The following AGBL1 variants were observed in gnomAD, a reference collection of about 807,000 sequenced individuals.
AGBL1 encodes cytosolic carboxypeptidase 4.
AGBL1 carries 130 observed loss-of-function variants against 118.9 expected under a neutral mutation model. The observed-to-expected ratio is 1.09, with a 90% CI of 0.95 to 1.26. AGBL1 has a LOEUF of 1.26. AGBL1 is among the 50% of genes most tolerant of loss of function. The pLI, the probability that AGBL1 is intolerant of heterozygous loss-of-function variation, is 0.00. For synonymous variants in AGBL1, 555 were observed against 478.9 expected, an observed-to-expected ratio of 1.16 and a Z score of -2.08; for missense variants, 1,584 against 1,298.1, an observed-to-expected ratio of 1.22 and a Z score of -3.38.
chr15:86,319,743 GTTTTTTTTTTTTTTTTTTTTTTTTT>G (rs139831044), intron 17 of AGBL1, among the ~76,000 whole-genome samples: 1 of 47,230 alleles, frequency 2.1e-5, no homozygotes, highest in Non-Finnish European at 3.6e-5. Context: ...CTCTTTGGTA[GTTTTTTTTTTTTTTTTTTTTTTTTT>G]TTTTTTTTTT....
At chr15:86,126,896 G>A (rs1480487720) in intron 1 of AGBL1, among the ~76,000 whole-genome samples, 1 of 152,184 alleles carries the variant, frequency 6.6e-6, no homozygotes, top group African/African-American at 2.4e-5. Flanking sequence ...GAAACATTCT[G>A]CTTTGAAGAT....
At chr15:86,999,793 A>T (rs36155574) in intron 24 of AGBL1, among the ~76,000 whole-genome samples, 70,487 of 136,906 alleles carry the variant, frequency 0.51, 19,848 homozygotes, top group South Asian at 0.7. Flanking sequence ...ATCCCTGAGG[A>T]ATCGCCACAC....
chr15:86,236,952 C>CTT (rs1754267505), intron 6 of AGBL1, among the ~76,000 whole-genome samples: 1 of 10,316 alleles, frequency 9.7e-5, no homozygotes, highest in Non-Finnish European at 1.8e-4. Context: ...CGGGGGGGGG[C>CTT]GGGGGGGCGC....
chr15:86,989,727 A>T (rs2081320138), intron 24 of AGBL1, among the ~76,000 whole-genome samples: 1 of 152,212 alleles, frequency 6.6e-6, no homozygotes, highest in African/African-American at 2.4e-5. Flanking sequence ...ATGGAACAAG[A>T]TAGAGATTGG....
chr15:86,257,486 C>T lies in AGBL1; in HGVS notation c.901+468C>T, dbSNP rs184745697. Among the ~76,000 whole-genome samples, 257 of 152,244 alleles carry T rather than the reference C, an allele frequency of 1.7e-3. 1 individual carries two copies. The highest frequency in any genetic ancestry group is 6.8e-3 in the Middle Eastern group (2 of 294). On this transcript the variant is annotated intron_variant, in intron 8 of 22. Transcript: ENST00000614907. ...ATCTTCCTGTCAAAAGATCCTAGTA[C>T]GAACAGATTTTCTATAGGCATAATT... is the stretch of plus-strand genomic sequence containing the variant.
chr15:86,571,355 A>C (rs1011734488), intron 21 of AGBL1, among the ~76,000 whole-genome samples: 3 of 152,116 alleles, frequency 2.0e-5, no homozygotes, highest in Non-Finnish European at 4.4e-5. Context: ...TGCATCCAGG[A>C]AGAATGAGGT....
intron 22 of AGBL1, among the ~76,000 whole-genome samples, chr15:86,759,913 T>G (rs946082456): frequency 6.6e-6 from 1 of 152,050 alleles, no homozygotes; most frequent in Non-Finnish European, 1.5e-5. Context: ...TAGAGCAGAG[T>G]AAAGGCAGGC....
chr15:86,279,831 C>T (rs1302464352), intron 16 of AGBL1, 48 bp downstream of exon 16: 94 of 1,598,490 alleles, frequency 5.9e-5, no homozygotes, highest in Non-Finnish European at 8.0e-5. Context: ...AAGGGGCTCT[C>T]TGAGGTTTTC....
intron 22 of AGBL1, among the ~76,000 whole-genome samples, chr15:86,876,132 A>C (rs2079804194): frequency 6.6e-6 from 1 of 152,186 alleles, no homozygotes; most frequent in Non-Finnish European, 1.5e-5. Flanking sequence ...GTAGGGTGGA[A>C]CATTTAAATT....
At chr15:86,946,365 G>A (rs2080821145) in intron 23 of AGBL1, 1 of 151,184 alleles carries the variant, frequency 6.6e-6, no homozygotes, top group Non-Finnish European at 1.5e-5. Context: ...CTGAGCTTAA[G>A]GATATAACAT....
intron 22 of AGBL1, among the ~76,000 whole-genome samples, chr15:86,804,465 G>A (rs960815489): frequency 3.3e-5 from 5 of 152,066 alleles, no homozygotes; most frequent in Non-Finnish European, 7.4e-5. Flanking sequence ...CAATGGTGGA[G>A]GCAGAAACAC....
chr15:86,378,870 C>A (rs2081073829), intron 17 of AGBL1, among the ~76,000 whole-genome samples: 1 of 151,058 alleles, frequency 6.6e-6, no homozygotes, highest in African/African-American at 2.4e-5. Context: ...TTGGACAGTT[C>A]TTGACAGAGA....
intron 1 of AGBL1, among the ~76,000 whole-genome samples, chr15:86,085,275 G>A (rs1895564388): frequency 6.6e-6 from 1 of 152,262 alleles, no homozygotes; most frequent in Admixed American, 6.5e-5. Context: ...GGATGAGGAG[G>A]GTGCCTAGTG....
intron 17 of AGBL1, among the ~76,000 whole-genome samples, chr15:86,355,844 T>C (rs1269138666): frequency 6.6e-6 from 1 of 152,150 alleles, no homozygotes; most frequent in Non-Finnish European, 1.5e-5. Flanking sequence ...TATTTGTGCT[T>C]CCCCATGTTT....
At chr15:86,492,408 G>A (rs932869550) in intron 18 of AGBL1, among the ~76,000 whole-genome samples, 1 of 151,902 alleles carries the variant, frequency 6.6e-6, no homozygotes, top group Non-Finnish European at 1.5e-5. Context: ...TGGCCAACAT[G>A]GTGAAACCTC....
intron 18 of AGBL1, among the ~76,000 whole-genome samples, chr15:86,484,771 G>T (rs2142130764): frequency 6.6e-6 from 1 of 152,144 alleles, no homozygotes; most frequent in South Asian, 2.1e-4. Context: ...TTCCAAATCT[G>T]CAGCTGTATT....
intron 5 of AGBL1, among the ~76,000 whole-genome samples, chr15:86,166,356 C>G (rs145057934): frequency 1.6e-4 from 25 of 152,274 alleles, no homozygotes; most frequent in Middle Eastern, 3.4e-3. Context: ...CAGTCTTGGG[C>G]TTGTGAAATG....
In AGBL1 at chr15:86,698,108, C is replaced by G. The variant is rs149487219; in HGVS notation, c.3158+23672C>G. Among the ~76,000 whole-genome samples, 454 of 152,078 alleles carry G rather than the reference C, an allele frequency of 3.0e-3. 2 individuals carry two copies. Among genetic ancestry groups the G allele is most frequent in the African/African-American group, 0.01 (436 of 41,532 alleles). On this transcript the variant is annotated intron_variant, in intron 22 of 22. Transcript: ENST00000614907. ...GCAATTTAGTCCTGCCTCCTATCCG[C>G]CATTTTTTCCTACCCCTTCTTTCTC... is the stretch of plus-strand genomic sequence containing the variant.
At chr15:86,656,292 T>C (rs1314075548) in intron 21 of AGBL1, among the ~76,000 whole-genome samples, 1 of 152,198 alleles carries the variant, frequency 6.6e-6, no homozygotes, top group African/African-American at 2.4e-5. Flanking sequence ...ATTTGAACTT[T>C]CTCTTAATTT....
Sources: allele counts gnomAD v4.1 joint callset (sites outside exome capture counted in the v4.1 genomes callset), GRCh38; gene constraint gnomAD v4.1.1; transcripts MANE v1.5; gene names NCBI Gene and HGNC (gene_info 2026-07-23, HGNC 2026-07-21).